Variants in PDE1C observed in about 807,000 individuals in gnomAD.
The protein encoded by PDE1C is dual specificity calcium/calmodulin-dependent 3',5'-cyclic nucleotide phosphodiesterase 1C.
PDE1C carries 62 observed loss-of-function variants against 93.1 expected under a neutral mutation model. The observed-to-expected ratio is 0.67, with a 90% CI of 0.54 to 0.82. The LOEUF (loss-of-function observed/expected upper bound fraction) is 0.82. PDE1C is among the 40% of genes least tolerant of loss of function. The pLI is 0.00. For missense variants in PDE1C, 742 were observed against 884.6 expected (o/e 0.84, Z 2.04); for synonymous variants, 325 against 310.1 (o/e 1.05, Z -0.50).
intron 2 of PDE1C, among the ~76,000 whole-genome samples, chr7:31,975,164 C>T (rs140955640): frequency 2.5e-4 from 38 of 152,288 alleles, no homozygotes; most frequent in African/African-American, 9.1e-4. Context: ...GTTCTCTCTG[C>T]CTTCTGCCTA....
chr7:31,709,948 C>A, the PDE1C span, among the ~76,000 whole-genome samples: 1 of 152,142 alleles, frequency 6.6e-6, no homozygotes, highest in Non-Finnish European at 1.5e-5. Flanking sequence ...CCAGGAGCTC[C>A]AGATCAGCCT....
At chr7:31,873,880 C>T (rs1410064791) in intron 5 of PDE1C, among the ~76,000 whole-genome samples, 1 of 152,216 alleles carries the variant, frequency 6.6e-6, no homozygotes, top group Middle Eastern at 3.2e-3. Context: ...GTTTAATTCA[C>T]TACAGCCTAC....
chr7:32,115,768 T>C (rs11761940), intron 3 of PDE1C, among the ~76,000 whole-genome samples: 49,416 of 152,154 alleles, frequency 0.32, 8,758 homozygotes, highest in South Asian at 0.4. Context: ...CCAATTCCTT[T>C]GCCCTTTTAG....
chr7:32,011,993 C>T (rs1192254122), intron 2 of PDE1C, among the ~76,000 whole-genome samples: 1 of 152,074 alleles, frequency 6.6e-6, no homozygotes, highest in Admixed American at 6.5e-5. Flanking sequence ...TAGTATTCCA[C>T]AATATAAGGA....
intron 11 of PDE1C, among the ~76,000 whole-genome samples, chr7:31,831,491 C>CACAT (rs769520525): frequency 0.011 from 886 of 81,778 alleles, 1 homozygote; most frequent in Admixed American, 0.024. Context: ...CACACACACA[C>CACAT]ATGCACGCAC....
At chr7:32,086,815 A>T (rs1249889546) in intron 3 of PDE1C, among the ~76,000 whole-genome samples, 2 of 152,170 alleles carry the variant, frequency 1.3e-5, no homozygotes, top group Non-Finnish European at 2.9e-5. Flanking sequence ...TAGAAACTGA[A>T]ACTGGATCCC....
At chr7:32,064,574 T>TTCC (rs1795165392) in intron 1 of PDE1C, among the ~76,000 whole-genome samples, 1 of 152,148 alleles carries the variant, frequency 6.6e-6, no homozygotes, top group South Asian at 2.1e-4. Context: ...TTTCCAGAAT[T>TTCC]ACAATCCTAA....
the PDE1C span, among the ~76,000 whole-genome samples, chr7:31,676,035 A>G: frequency 6.6e-6 from 1 of 152,162 alleles, no homozygotes; most frequent in Non-Finnish European, 1.5e-5. Flanking sequence ...CCTTGTTAAT[A>G]CTATGGTGCT....
At chr7:31,841,863 T>A (rs1441185381) in intron 9 of PDE1C, among the ~76,000 whole-genome samples, 2 of 152,052 alleles carry the variant, frequency 1.3e-5, no homozygotes, top group Admixed American at 6.6e-5. Context: ...ATATTGTACT[T>A]CCAACTTGAA....
intron 2 of PDE1C, among the ~76,000 whole-genome samples, chr7:32,020,240 T>C (rs538930851): frequency 1.3e-5 from 2 of 152,162 alleles, no homozygotes; most frequent in South Asian, 4.1e-4. Context: ...AAGCATTTGT[T>C]CCAAGAATAT....
At chr7:31,784,541 A>G (rs964870275) in intron 16 of PDE1C, 1 of 152,138 alleles carries the variant, frequency 6.6e-6, no homozygotes, top group African/African-American at 2.4e-5. Flanking sequence ...ACGTGCTAAA[A>G]TGATACTGCA....
intron 2 of PDE1C, among the ~76,000 whole-genome samples, chr7:31,940,365 G>T (rs1805653205): frequency 6.6e-6 from 1 of 152,168 alleles, no homozygotes; most frequent in African/African-American, 2.4e-5. Context: ...TGTAAAAGCA[G>T]ATGGTCAAGA....
chr7:32,027,495 T>C (rs1392837058), intron 2 of PDE1C, among the ~76,000 whole-genome samples: 1 of 150,214 alleles, frequency 6.7e-6, no homozygotes, highest in African/African-American at 2.5e-5. Context: ...TCTAGAAGAA[T>C]GCTAAATTTA....
At chr7:31,865,116 AC>A (rs1554378844) in intron 6 of PDE1C, 34 bp from the exon 7 acceptor site, 2 of 1,612,530 alleles carry the variant, frequency 1.2e-6, no homozygotes, top group Non-Finnish European at 1.7e-6. Context: ...TTAACTAGTG[AC>A]TTCACTGCTT....
At chr7:31,656,507 ACTGTCTTCC>A in the PDE1C span, 3 of 969,056 alleles carry the variant, frequency 3.1e-6, no homozygotes, top group Non-Finnish European at 3.6e-6. Context: ...AACTGTAATT[ACTGTCTTCC>A]TTCTGTTGAA....
chr7:32,150,163 A>G (rs1801151811), intron 3 of PDE1C, among the ~76,000 whole-genome samples: 2 of 152,158 alleles, frequency 1.3e-5, no homozygotes, highest in Admixed American at 6.5e-5. Context: ...AGCTGCTCAT[A>G]TTCCCAAAGT....
At chr7:32,145,523 T>C (rs752415355) in intron 3 of PDE1C, among the ~76,000 whole-genome samples, 14 of 152,180 alleles carry the variant, frequency 9.2e-5, no homozygotes, top group Non-Finnish European at 2.1e-4. Flanking sequence ...TTTTTTCACA[T>C]CTACTTATTA....
intron 9 of PDE1C, among the ~76,000 whole-genome samples, chr7:31,839,280 A>C (rs995849603): frequency 3.3e-5 from 5 of 150,680 alleles, no homozygotes; most frequent in Non-Finnish European, 7.4e-5. Flanking sequence ...ATTATTTTAA[A>C]ATAGTCACAC....
intron 2 of PDE1C, among the ~76,000 whole-genome samples, chr7:32,204,334 C>T (rs1296561188): frequency 2.6e-5 from 4 of 152,176 alleles, no homozygotes; most frequent in Non-Finnish European, 5.9e-5. Context: ...GAAAGTGAAA[C>T]CGCAGATAAG....
Sources: gnomAD v4.1 joint callset for allele counts (sites outside exome capture counted in the v4.1 genomes callset) on GRCh38, gnomAD v4.1.1 for gene constraint, MANE v1.5 for transcripts, NCBI Gene and HGNC (gene_info 2026-07-23, HGNC 2026-07-21) for gene names.